Variants in CDK6 observed in about 807,000 individuals in gnomAD.
CDK6 encodes cyclin dependent kinase 6.
CDK6 carries 6 observed loss-of-function variants against 37.1 expected under a neutral mutation model. The observed-to-expected ratio is 0.16, with a 90% CI of 0.09 to 0.32. The LOEUF (loss-of-function observed/expected upper bound fraction) is 0.32, where lower values mean the gene tolerates loss of function less well. Ranked by LOEUF, CDK6 falls within the 10% of genes least tolerant of loss-of-function variation. The pLI is 1.00. For missense variants in CDK6, 224 were observed against 418.9 expected (o/e 0.53, Z 4.06); for synonymous variants, 160 against 161.3 (o/e 0.99, Z 0.06).
At chr7:92,707,319 G>A (rs1325028494) in intron 4 of CDK6, among the ~76,000 whole-genome samples, 2 of 152,144 alleles carry the variant, frequency 1.3e-5, no homozygotes, top group African/African-American at 4.8e-5. Flanking sequence ...AGGTCACACA[G>A]CTTGTTAAGT....
chr7:92,652,209 G>A (rs1304402868), intron 5 of CDK6, among the ~76,000 whole-genome samples: 1 of 152,170 alleles, frequency 6.6e-6, no homozygotes, highest in Non-Finnish European at 1.5e-5. Flanking sequence ...CATGATATCA[G>A]AAGGAACACA....
rs1411580481 is a variant in CDK6, at chr7:92,834,235, C to A, written c.-367-545G>T. Among the ~76,000 whole-genome samples the A allele has an allele frequency of 6.6e-6, 1 of 152,142 alleles. No individual in the cohort carries two copies. The highest frequency in any genetic ancestry group is 1.5e-5 in the Non-Finnish European group (1 of 68,030). On this transcript the variant is annotated intron_variant, in intron 1 of 7. Coordinates refer to ENST00000424848, the MANE Select transcript of CDK6 (RefSeq NM_001145306.2). This position sits in a 1 kb window ranked among gnomAD's most constrained non-coding sequence, Gnocchi z 4.6. Reference sequence around the variant, plus strand: ...GGTGGGGGCTCCCAGGACCCTGTAACCCGATGCTGGGAGTGTGCGAGAAGG... The same window carrying A: ...GGTGGGGGCTCCCAGGACCCTGTAAACCGATGCTGGGAGTGTGCGAGAAGG...
intron 4 of CDK6, among the ~76,000 whole-genome samples, chr7:92,686,067 T>C (rs1017201338): frequency 2.0e-5 from 3 of 152,224 alleles, no homozygotes; most frequent in African/African-American, 7.2e-5. Context: ...ACTAAATTTG[T>C]TGGAATCACA....
chr7:92,705,478 T>TA (rs1797945842), intron 4 of CDK6, among the ~76,000 whole-genome samples: 1 of 152,108 alleles, frequency 6.6e-6, no homozygotes, highest in African/African-American at 2.4e-5. Context: ...TGAGCAGCAT[T>TA]AAAAAAACTT....
intron 4 of CDK6, among the ~76,000 whole-genome samples, chr7:92,707,890 C>T (rs1368611963): frequency 6.6e-6 from 1 of 152,142 alleles, no homozygotes; most frequent in Non-Finnish European, 1.5e-5. Context: ...ATATTATGGG[C>T]AGCAGATGAG....
At chr7:92,616,986 A>C (rs758695816) in intron 7 of CDK6, among the ~76,000 whole-genome samples, 12 of 152,230 alleles carry the variant, frequency 7.9e-5, no homozygotes, top group Admixed American at 1.3e-4. Context: ...ACTTTGTGTT[A>C]ATAATATTGT....
chr7:92,665,816 C>G (rs1163322959), intron 5 of CDK6, among the ~76,000 whole-genome samples: 2 of 152,152 alleles, frequency 1.3e-5, no homozygotes, highest in Non-Finnish European at 2.9e-5. Context: ...TGGCAGAAAC[C>G]CAGCAGAGTA....
At chr7:92,823,428 T>G (rs1410170107) in intron 2 of CDK6, among the ~76,000 whole-genome samples, 1 of 145,746 alleles carries the variant, frequency 6.9e-6, no homozygotes, top group Non-Finnish European at 1.5e-5. Context: ...CACTCTTCTT[T>G]TGAGTCTTAA....
chr7:92,619,849 A>T (rs912469702), intron 6 of CDK6, among the ~76,000 whole-genome samples: 11 of 152,086 alleles, frequency 7.2e-5, no homozygotes, highest in African/African-American at 2.7e-4. Context: ...CAATATATAG[A>T]TTTGTTCAAT....
chr7:92,665,293 A>T (rs939085954), intron 5 of CDK6, among the ~76,000 whole-genome samples: 15 of 152,020 alleles, frequency 9.9e-5, no homozygotes, highest in African/African-American at 3.6e-4. Flanking sequence ...CCATCCATCC[A>T]TCCATCCATC....
chr7:92,726,829 T>TG (rs1798523023), intron 3 of CDK6, among the ~76,000 whole-genome samples: 1 of 152,186 alleles, frequency 6.6e-6, no homozygotes, highest in East Asian at 1.9e-4. Context: ...ATACGTAAAA[T>TG]AAGGCAAGCC....
chr7:92,772,952 A>T (rs564644548), intron 3 of CDK6, among the ~76,000 whole-genome samples: 52 of 152,110 alleles, frequency 3.4e-4, no homozygotes, highest in Non-Finnish European at 4.7e-4. Context: ...CTGTTTTTTT[A>T]AAAAAAAGAT....
At chr7:92,781,687 T>C (rs542692791) in intron 2 of CDK6, among the ~76,000 whole-genome samples, 3 of 152,366 alleles carry the variant, frequency 2.0e-5, no homozygotes, top group Non-Finnish European at 2.9e-5. Flanking sequence ...TCACTTTTTT[T>C]TCCCCCATTC....
At chr7:92,713,994 A>T (rs553488081) in intron 4 of CDK6, among the ~76,000 whole-genome samples, 81 of 152,124 alleles carry the variant, frequency 5.3e-4, no homozygotes, top group Non-Finnish European at 1.0e-3. Context: ...TACCACCCAC[A>T]TATACTCTAT....
intron 6 of CDK6, among the ~76,000 whole-genome samples, chr7:92,621,138 G>C (rs1048462966): frequency 6.6e-6 from 1 of 152,216 alleles, no homozygotes; most frequent in African/African-American, 2.4e-5. Context: ...GGCAGTGATG[G>C]AGGAGACAGA....
At chr7:92,829,721 T>A (rs1473466830) in intron 2 of CDK6, among the ~76,000 whole-genome samples, 2 of 152,238 alleles carry the variant, frequency 1.3e-5, no homozygotes, top group Admixed American at 6.5e-5. Flanking sequence ...TTGATTCTGA[T>A]TAGCCTTTTG....
chr7:92,714,073 A>C (rs1233617441), intron 4 of CDK6, among the ~76,000 whole-genome samples: 1 of 152,192 alleles, frequency 6.6e-6, no homozygotes, highest in African/African-American at 2.4e-5. Context: ...GCTATTTTGC[A>C]ATGTTAATCT....
chr7:92,716,465 C>T (rs1293302311), intron 4 of CDK6, among the ~76,000 whole-genome samples: 2 of 152,110 alleles, frequency 1.3e-5, no homozygotes, highest in East Asian at 1.9e-4. Context: ...GTGCCCACCT[C>T]GTGCAAGGAA....
intron 5 of CDK6, among the ~76,000 whole-genome samples, chr7:92,662,166 G>A (rs1031999682): frequency 5.9e-5 from 9 of 152,218 alleles, no homozygotes; most frequent in African/African-American, 2.2e-4. Flanking sequence ...TGCCTTGTAA[G>A]CAGGGAGAAT....
Sources: allele counts gnomAD v4.1 joint callset (sites outside exome capture counted in the v4.1 genomes callset), GRCh38; gene constraint gnomAD v4.1.1; non-coding constraint Gnocchi (gnomAD v3.1); transcripts MANE v1.5; gene names NCBI Gene and HGNC (gene_info 2026-07-23, HGNC 2026-07-21).